HGFAC: variants seen among roughly 807,000 people sequenced by gnomAD.
HGFAC encodes the protein HGF activator.
HGFAC carries 76 observed loss-of-function variants against 70.6 expected under a neutral mutation model. The ratio of observed to expected loss-of-function variants is 1.08; its 90% CI spans 0.89 to 1.30. The LOEUF is 1.30. Among genes scored for constraint, HGFAC ranks in the 50% most tolerant of loss-of-function variants. HGFAC has a pLI of 0.00. For missense variants in HGFAC, 1,044 were observed against 933.7 expected, an observed-to-expected ratio of 1.12 and a Z score of -1.54; for synonymous variants, 464 against 405.3, an observed-to-expected ratio of 1.14 and a Z score of -1.74.
Position 3,444,175 on chromosome 4 carries a change from C to CTGG in HGFAC, c.598+14_598+15insTGG. The CTGG allele has an allele frequency of 1.3e-6, 2 of 1,586,716 alleles. No individual in the cohort carries two copies. Among genetic ancestry groups the CTGG allele is most frequent in the Non-Finnish European group, 1.7e-6 (2 of 1,167,530 alleles). On this transcript the variant is annotated intron_variant, in intron 5 of 13. Coordinates refer to ENST00000382774, the MANE Select transcript of HGFAC (RefSeq NM_001528.4). Reference sequence around the variant, plus strand: ...ACTGCGGCACAGGTGAGCTGGGCCTCGGAGGTCCGCAGGGGTCCAGGGGCC... The same window carrying CTGG: ...ACTGCGGCACAGGTGAGCTGGGCCTCTGGGGAGGTCCGCAGGGGTCCAGGGGCC...
chr4:3,444,278 G>A, intron 5 of HGFAC, 33 bp from the exon 6 acceptor site: 1 of 1,571,866 alleles, frequency 6.4e-7, no homozygotes, highest in Non-Finnish European at 8.6e-7. Flanking sequence ...ACAGCAGGTG[G>A]CAGGGTGTGA....
At chr4:3,443,460 A>G (rs748624659) in intron 4 of HGFAC, 40 bp downstream of exon 4, 1 of 1,308,770 alleles carries the variant, frequency 7.6e-7, no homozygotes, top group African/African-American at 1.5e-5. Flanking sequence ...GGCAGGGGGC[A>G]CTGGGCCAGG....
At chr4:3,441,298 C>T (rs955754560), upstream of HGFAC, among the ~76,000 whole-genome samples, 1 of 152,094 alleles carries the variant, frequency 6.6e-6, no homozygotes, top group African/African-American at 2.4e-5. This position sits in a 1 kb window ranked among gnomAD's most constrained non-coding sequence, Gnocchi z 6.0. Flanking sequence ...GTCTGGGAGA[C>T]GGGGAGGAAG....
rs748529849 is a variant in HGFAC, at chr4:3,442,031, C to T, written c.30C>T (p.Pro10=). The change falls in exon 1 of 14, where the codon CCC becomes CCT. Residue 10 remains proline (P), a synonymous_variant. Coordinates refer to ENST00000382774, the MANE Select transcript of HGFAC (RefSeq NM_001528.4). MGRWAWVPS[P]WPPPGLGPFL... ...GGCGCTGGGCCTGGGTCCCCAGCCC[C>T]TGGCCCCCACCGGGGCTGGGCCCCT... 2.6e-5 allele frequency: 39 copies of T among 1,524,708 alleles called. No homozygotes were observed. Among genetic ancestry groups the T allele is most frequent in the Non-Finnish European group, 3.2e-5 (37 of 1,153,184 alleles). 94.4% of individuals were successfully genotyped at this position (1,524,708 alleles called of 1,614,324 possible). A position where few individuals can be genotyped will look rare whatever the true frequency, so the allele number is the denominator to read the frequency against.
At chr4:3,444,767 C>A in intron 7 of HGFAC, 34 bp downstream of exon 7, 2 of 1,576,782 alleles carry the variant, frequency 1.3e-6, no homozygotes. Context: ...TGCCCTGGGG[C>A]AGTGCCGGGT....
intron 9 of HGFAC, chr4:3,445,734 G>A: frequency 1.2e-6 from 1 of 819,844 alleles, no homozygotes; most frequent in Non-Finnish European, 1.9e-6. Flanking sequence ...GCCAGCCCGG[G>A]GCTCTCATGT....
intron 10 of HGFAC, 73 bp from the exon 11 acceptor site, chr4:3,447,419 A>G (rs1459962699): frequency 4.1e-6 from 6 of 1,466,990 alleles, no homozygotes; most frequent in Non-Finnish European, 5.6e-6. Context: ...TGGGCCTGAC[A>G]GGGGGTGGGG....
intron 10 of HGFAC, among the ~76,000 whole-genome samples, chr4:3,447,288 C>T (rs1725542237): frequency 6.6e-6 from 1 of 152,202 alleles, no homozygotes; most frequent in South Asian, 2.1e-4. Flanking sequence ...ATGCCTGGAT[C>T]TGGGGGTGAC....
Position 3,444,333 on chromosome 4 carries a change from C to A in HGFAC, c.621C>A (p.Arg207=). Residue 207 remains arginine, a synonymous_variant, in exon 6 of 14, where the codon CGC becomes CGA. Transcript: ENST00000382774. ...CGTEKCFDET[R]YEYLEGGDRW... Reference sequence around the variant, plus strand: ...CAGAGAAATGCTTTGATGAGACCCGCTACGAGTACCTGGAGGGGGGCGACC... The same window carrying A: ...CAGAGAAATGCTTTGATGAGACCCGATACGAGTACCTGGAGGGGGGCGACC... 6.3e-7 allele frequency: 1 copy of A among 1,595,590 alleles called. No individual in the cohort carries two copies. Among genetic ancestry groups the A allele is most frequent in the South Asian group, 1.1e-5 (1 of 88,340 alleles).
At position 3,445,007 on chromosome 4, in the gene HGFAC, C is replaced by G. The variant is rs377539052; in HGVS notation, c.1016+14C>G. The G allele has an allele frequency of 6.5e-7, 1 of 1,549,154 alleles. No homozygotes were observed. Among genetic ancestry groups the G allele is most frequent in the African/African-American group, 1.4e-5 (1 of 73,088 alleles). On this transcript the variant is annotated intron_variant, in intron 8 of 13. Transcript: ENST00000382774. Reference sequence around the variant, plus strand: ...TGCCTACTGCCGGTCAGCACCACGCCGCTCCAGGCCGCCGCATGCGGGGCA... The same window carrying G: ...TGCCTACTGCCGGTCAGCACCACGCGGCTCCAGGCCGCCGCATGCGGGGCA...
intron 4 of HGFAC, among the ~76,000 whole-genome samples, chr4:3,443,808 G>A (rs1725396014): frequency 6.6e-6 from 1 of 152,058 alleles, no homozygotes; most frequent in Non-Finnish European, 1.5e-5. Context: ...CTTCCAGGAA[G>A]CCACGTGCAC....
At position 3,447,501 on chromosome 4, in the gene HGFAC, G is replaced by A. The variant is rs1249067866; in HGVS notation, c.1365G>A (p.Arg455=). The change falls in exon 11 of 14, where the codon AGG becomes AGA. Residue 455 remains arginine, a synonymous_variant. Coordinates refer to ENST00000382774, the MANE Select transcript of HGFAC (RefSeq NM_001528.4). The stretch of plus-strand genomic sequence containing the variant: ...AGCCCCCCTTGCACAGCCCCCCCAG[G>A]GACAGCGTCTCCGTGGTGCTGGGCC... The part of the protein sequence containing the change: ...AAHCFSHSPP[R]DSVSVVLGQH... 6.2e-7 allele frequency: 1 copy of A among 1,612,482 alleles called. No homozygotes were observed. Among genetic ancestry groups the A allele is most frequent in the Non-Finnish European group, 8.5e-7 (1 of 1,179,874 alleles).
Position 3,444,395 on chromosome 4 carries a change from G to A in HGFAC, c.683G>A (p.Cys228Tyr), listed in dbSNP as rs748413339. The A allele has an allele frequency of 1.7e-5, 27 of 1,605,300 alleles. 1 individual carries two copies. Among genetic ancestry groups the A allele is most frequent in the Middle Eastern group, 3.3e-4 (2 of 6,030 alleles). ...ARVRQGHVEQ[C>Y]ECFGGRTWCE... The stretch of plus-strand genomic sequence containing the variant: ...GTGCGCCAGGGCCACGTGGAACAGT[G>A]CGAGTGCTTCGGGGGCCGGACCTGG... Residue 228 changes from cysteine (C) to tyrosine (Y), a missense_variant, in exon 6 of 14, where the codon TGC (cysteine) becomes TAC (tyrosine). Coordinates refer to ENST00000382774, the MANE Select transcript of HGFAC (RefSeq NM_001528.4).
rs142589852 is a variant in HGFAC at position 3,448,243 on chromosome 4, C to T, written c.1752C>T (p.Ala584=). 2.3e-4 allele frequency: 375 copies of T among 1,609,354 alleles called. 4 individuals are homozygous for T. The highest frequency in any genetic ancestry group is 8.9e-4 in the Middle Eastern group (4 of 4,478). The part of the protein sequence containing the change: ...GADISPNMLC[A]GYFDCKSDAC... ...ACATCAGCCCCAACATGCTCTGTGC[C>T]GGCTACTTCGACTGCAAGTCCGACG... The change falls in exon 13 of 14, where the codon GCC becomes GCT. Residue 584 remains alanine, a synonymous_variant. Coordinates refer to ENST00000382774, the MANE Select transcript of HGFAC (RefSeq NM_001528.4).
intron 1 of HGFAC, 54 bp downstream of exon 1, chr4:3,442,172 G>C: frequency 1.4e-6 from 2 of 1,384,068 alleles, no homozygotes; most frequent in Non-Finnish European, 2.0e-6. Flanking sequence ...GCTACTTGGG[G>C]TCCTTGGGAG....
At position 3,446,120 on chromosome 4, in the gene HGFAC, G is replaced by T. The variant is rs1010904877; in HGVS notation, c.1181G>T (p.Cys394Phe). The T allele has an allele frequency of 6.2e-6, 10 of 1,611,186 alleles. No individual in the cohort carries two copies. The highest frequency in any genetic ancestry group is 1.3e-5 in the African/African-American group (1 of 74,904). Reference protein sequence around the residue: ...PEPASPGRQACGRRHKKRTFL... With the variant: ...PEPASPGRQAFGRRHKKRTFL... ...CCAGCCTCCCCGGGGCGCCAGGCCT[G>T]CGGCAGGAGGCACAAGAAGAGGACG... Residue 394 changes from cysteine to phenylalanine, a missense_variant, in exon 10 of 14, where the codon TGC (cysteine) becomes TTC (phenylalanine). Physicochemically the swap from Cys to Phe is radical, Grantham distance 205 (BLOSUM62 -2). Transcript: ENST00000382774.
At chr4:3,442,231 G>A (rs980986312) in intron 1 of HGFAC, 113 bp downstream of exon 1, 6 of 793,650 alleles carry the variant, frequency 7.6e-6, no homozygotes, top group Non-Finnish European at 1.2e-5. Context: ...GAGGGGGCGG[G>A]GGTCCGAGCA....
chr4:3,441,821 T>G, upstream of HGFAC: 1 of 504,096 alleles, frequency 2.0e-6, no homozygotes, highest in South Asian at 3.2e-5. This position sits in a 1 kb window ranked among gnomAD's most constrained non-coding sequence, Gnocchi z 6.0. Context: ...GGCTTCCAGG[T>G]AGGGTCAAAG....
Position 3,447,987 on chromosome 4 carries a change from C to T in HGFAC, c.1588C>T (p.Pro530Ser), listed in dbSNP as rs764251586. ...CCTGCCCGAGCCCGGCAGCACCTTC[C>T]CCGCAGGACACAAGTGCCAGATTGC... Reference protein sequence around the residue: ...ICLPEPGSTFPAGHKCQIAGW... With the variant: ...ICLPEPGSTFSAGHKCQIAGW... Residue 530 changes from proline (P) to serine (S), a missense_variant, in exon 12 of 14, where the codon CCC (proline) becomes TCC (serine). Transcript: ENST00000382774. 1 of 1,580,498 alleles carries T rather than the reference C, an allele frequency of 6.3e-7. No homozygotes were observed. The highest frequency in any genetic ancestry group is 8.6e-7 in the Non-Finnish European group (1 of 1,164,006).
Sources: allele counts gnomAD v4.1 joint callset (sites outside exome capture counted in the v4.1 genomes callset), GRCh38; gene constraint gnomAD v4.1.1; non-coding constraint Gnocchi (gnomAD v3.1); transcripts MANE v1.5; gene names NCBI Gene and HGNC (gene_info 2026-07-23, HGNC 2026-07-21).